The following ROR1 variants were observed in gnomAD, a reference collection of about 807,000 sequenced individuals.
The protein encoded by ROR1 is ROR family WNT receptor 1, also known as inactive tyrosine-protein kinase transmembrane receptor ROR1.
Under a neutral mutation model 78.8 loss-of-function variants are expected in ROR1, and 19 were observed. The ratio of observed to expected loss-of-function variants is 0.24; its 90% CI spans 0.17 to 0.35. ROR1 has a LOEUF of 0.35. Among genes scored for constraint, ROR1 ranks in the 10% least tolerant of loss-of-function variants. The pLI, the probability that ROR1 is intolerant of heterozygous loss-of-function variation, is 1.00. For synonymous variants in ROR1, 386 were observed against 433.6 expected (o/e 0.89, Z 1.36); for missense variants, 917 against 1,177.8 (o/e 0.78, Z 3.24).
intron 1 of ROR1, among the ~76,000 whole-genome samples, chr1:63,886,662 C>G (rs187834263): frequency 6.6e-6 from 1 of 152,264 alleles, no homozygotes; most frequent in East Asian, 1.9e-4. Flanking sequence ...AGGTTGGCTG[C>G]TACATCATTT....
intron 1 of ROR1, among the ~76,000 whole-genome samples, chr1:63,982,411 G>A (rs1646217586): frequency 6.6e-6 from 1 of 152,108 alleles, no homozygotes; most frequent in South Asian, 2.1e-4. Context: ...ATGTATCACG[G>A]GCCTACAAAA....
At chr1:64,164,039 ATT>A (rs10707932) in intron 8 of ROR1, among the ~76,000 whole-genome samples, 5 of 151,482 alleles carry the variant, frequency 3.3e-5, no homozygotes, top group East Asian at 3.9e-4. Context: ...CCTGAAATAT[ATT>A]TTTTTTTCCC....
At chr1:64,070,727 GC>G (rs1383972026) in intron 4 of ROR1, among the ~76,000 whole-genome samples, 2 of 152,316 alleles carry the variant, frequency 1.3e-5, no homozygotes, top group East Asian at 3.9e-4. Context: ...GCCACTGTGT[GC>G]CAGGCCAAGG....
rs575464365 is a variant in ROR1, at chr1:63,907,300, C to T, written c.92-102005C>T. On this transcript the variant is annotated intron_variant, in intron 1 of 8. Coordinates refer to ENST00000371079, the MANE Select transcript of ROR1 (RefSeq NM_005012.4). ...ATAATAAGCATGGGGCTTGGGCGGC[C>T]GGCTGGTGATTGCTTAAGCCAGGCA... 1.7e-4 allele frequency among the ~76,000 whole-genome samples: 26 copies of T among 152,200 alleles called. No homozygotes were observed. In the South Asian group the frequency reaches 3.7e-3, roughly 22 times the overall value.
At chr1:64,155,745 C>G (rs1018216029) in intron 7 of ROR1, among the ~76,000 whole-genome samples, 1 of 152,166 alleles carries the variant, frequency 6.6e-6, no homozygotes, top group Non-Finnish European at 1.5e-5. Flanking sequence ...TGCGTTAGTA[C>G]TAAATTAGCC....
chr1:64,014,289 C>T (rs12061004), intron 2 of ROR1, among the ~76,000 whole-genome samples: 19 of 152,246 alleles, frequency 1.2e-4, no homozygotes, highest in Non-Finnish European at 1.9e-4. Context: ...TGTTCTGTTA[C>T]ATGAGTCCAG....
intron 4 of ROR1, among the ~76,000 whole-genome samples, chr1:64,078,655 C>T (rs1341379517): frequency 1.3e-5 from 2 of 152,110 alleles, no homozygotes; most frequent in Non-Finnish European, 2.9e-5. Flanking sequence ...ACCTCACCCT[C>T]CTCTGATTGG....
chr1:63,991,381 C>G (rs1646295081), intron 1 of ROR1, among the ~76,000 whole-genome samples: 1 of 152,184 alleles, frequency 6.6e-6, no homozygotes, highest in Non-Finnish European at 1.5e-5. Context: ...TATTATAGAT[C>G]ACAGCCATTT....
At chr1:64,096,580 T>TA (rs780491784) in intron 4 of ROR1, among the ~76,000 whole-genome samples, 18 of 152,206 alleles carry the variant, frequency 1.2e-4, no homozygotes, top group Non-Finnish European at 2.1e-4. Context: ...CATTCTTTTT[T>TA]ATGGCTGCAT....
At chr1:63,968,444 T>G (rs1168810299) in intron 1 of ROR1, among the ~76,000 whole-genome samples, 2 of 150,810 alleles carry the variant, frequency 1.3e-5, no homozygotes, top group East Asian at 3.9e-4. Context: ...AATATTTTTA[T>G]TCTCTTATTA....
intron 4 of ROR1, among the ~76,000 whole-genome samples, chr1:64,087,332 T>G (rs1647163053): frequency 1.3e-5 from 2 of 152,238 alleles, no homozygotes; most frequent in South Asian, 2.1e-4. Flanking sequence ...TCACACCTGT[T>G]TGTAATAACT....
intron 2 of ROR1, among the ~76,000 whole-genome samples, chr1:64,046,051 T>C (rs1332738099): frequency 6.6e-6 from 1 of 152,212 alleles, no homozygotes; most frequent in Non-Finnish European, 1.5e-5. Context: ...TTGCTTTGTC[T>C]GGCATTCAAG....
chr1:63,870,050 GA>G (rs34699772), intron 1 of ROR1, among the ~76,000 whole-genome samples: 5 of 152,090 alleles, frequency 3.3e-5, no homozygotes, highest in African/African-American at 1.2e-4. Flanking sequence ...AAAACACAAG[GA>G]AAAATGTGTG....
intron 1 of ROR1, among the ~76,000 whole-genome samples, chr1:63,863,903 A>T (rs1226989697): frequency 6.6e-6 from 1 of 152,132 alleles, no homozygotes; most frequent in Non-Finnish European, 1.5e-5. Flanking sequence ...CACAAAAATC[A>T]ATGCTAGCAT....
At chr1:64,008,885 G>A (rs1024066680) in intron 1 of ROR1, among the ~76,000 whole-genome samples, 3 of 151,950 alleles carry the variant, frequency 2.0e-5, no homozygotes, top group East Asian at 1.9e-4. Context: ...CACCTGCCTC[G>A]GCCTCCCAAA....
intron 1 of ROR1, among the ~76,000 whole-genome samples, chr1:63,990,132 A>G (rs1646283712): frequency 6.6e-6 from 1 of 152,224 alleles, no homozygotes; most frequent in Admixed American, 6.5e-5. Context: ...TTGAAATAAA[A>G]TTCAGTTTCG....
chr1:64,166,150 C>G (rs1650079434), intron 8 of ROR1, among the ~76,000 whole-genome samples: 1 of 152,278 alleles, frequency 6.6e-6, no homozygotes, highest in East Asian at 1.9e-4. Flanking sequence ...TTGCTTTTGT[C>G]AGGTTTGTTA....
At chr1:63,888,535 A>C (rs762906047) in intron 1 of ROR1, among the ~76,000 whole-genome samples, 6 of 151,998 alleles carry the variant, frequency 3.9e-5, no homozygotes, top group Admixed American at 3.3e-4. Context: ...AGACAGGAGG[A>C]TCAGTTGAGC....
Position 63,820,573 on chromosome 1 carries a change from A to G in ROR1, c.91+46065A>G, listed in dbSNP as rs936015793. 5.9e-5 allele frequency among the ~76,000 whole-genome samples: 9 copies of G among 152,282 alleles called. No individual in the cohort carries two copies. In the South Asian group the frequency reaches 6.2e-4, roughly 11 times the overall value. ...CTGCTACCTTGCAGTCATTTCTGCT[A>G]TATGCAGATTCAGGTTTGATGTGAA... is the stretch of plus-strand genomic sequence containing the variant. On this transcript the variant is annotated intron_variant, in intron 1 of 8. Transcript: ENST00000371079.
Sources: allele counts gnomAD v4.1 joint callset (sites outside exome capture counted in the v4.1 genomes callset), GRCh38; gene constraint gnomAD v4.1.1; transcripts MANE v1.5; gene names NCBI Gene and HGNC (gene_info 2026-07-23, HGNC 2026-07-21).